The following CACNA1B variants were observed in gnomAD, a reference collection of about 807,000 sequenced individuals.
The protein encoded by CACNA1B is voltage-dependent N-type calcium channel subunit alpha-1B.
CACNA1B carries 70 observed loss-of-function variants against 247.2 expected under a neutral mutation model. That is an observed-to-expected ratio of 0.28 (90% CI 0.23 to 0.35). CACNA1B has a LOEUF of 0.35. Ranked by LOEUF, CACNA1B falls within the 10% of genes least tolerant of loss-of-function variation. The pLI, the probability that CACNA1B is intolerant of heterozygous loss-of-function variation, is 1.00. For missense variants in CACNA1B, 2,367 were observed against 3,197.4 expected, an observed-to-expected ratio of 0.74 and a Z score of 6.26; for synonymous variants, 1,231 against 1,294.4, an observed-to-expected ratio of 0.95 and a Z score of 1.05.
In CACNA1B at chr9:137,881,596, C is replaced by T. The variant is rs2133219196; in HGVS notation, c.391-1148C>T. Reference sequence around the variant, plus strand: ...TTCCTAAGGCAGCAGCCCTGGAGTGCAGGTGTCCGACACCCCCATGCCAAC... The same window carrying T: ...TTCCTAAGGCAGCAGCCCTGGAGTGTAGGTGTCCGACACCCCCATGCCAAC... On this transcript the variant is annotated intron_variant, in intron 2 of 46. Coordinates refer to ENST00000371372, the MANE Select transcript of CACNA1B (RefSeq NM_000718.4). This position sits in a 1 kb window ranked among gnomAD's most constrained non-coding sequence, Gnocchi z 4.3. 6.6e-6 allele frequency among the ~76,000 whole-genome samples: 1 copy of T among 152,312 alleles called. No homozygotes were observed. Among genetic ancestry groups the T allele is most frequent in the South Asian group, 2.1e-4 (1 of 4,832 alleles).
rs73669855 is a variant in CACNA1B, at chr9:138,058,776, G to T, written c.4473+43G>T. The T allele has an allele frequency of 5.5e-3, 8,463 of 1,546,234 alleles. 413 individuals carry two copies. In the African/African-American group the frequency reaches 0.098, roughly 18 times the overall value. Reference sequence around the variant, plus strand: ...CAGAGGGGCAGCTGGCGCTGCTAGGGATTGGGATCTAACCCTGAGGCTGAG... The same window carrying T: ...CAGAGGGGCAGCTGGCGCTGCTAGGTATTGGGATCTAACCCTGAGGCTGAG... On this transcript the variant is annotated intron_variant, in intron 29 of 46. Transcript: ENST00000371372. This position sits in a 1 kb window ranked among gnomAD's most constrained non-coding sequence, Gnocchi z 4.7.
intron 26 of CACNA1B, among the ~76,000 whole-genome samples, chr9:138,056,724 C>T (rs1201313725): frequency 6.6e-6 from 1 of 152,132 alleles, no homozygotes; most frequent in Non-Finnish European, 1.5e-5. Flanking sequence ...CATATCCTTG[C>T]CAACACTTGT....
At chr9:138,016,180 A>C (rs557048424) in intron 18 of CACNA1B, among the ~76,000 whole-genome samples, 2 of 152,296 alleles carry the variant, frequency 1.3e-5, no homozygotes, top group Admixed American at 1.3e-4. Context: ...AGTCTCACAC[A>C]CACAGTGTCA....
intron 15 of CACNA1B, among the ~76,000 whole-genome samples, chr9:138,000,351 GC>G (rs1183385785): frequency 2.0e-5 from 3 of 152,130 alleles, no homozygotes; most frequent in Non-Finnish European, 4.4e-5. Flanking sequence ...GCCCGCCTTG[GC>G]CTCCCAAAGT....
rs1379562630 is a variant in CACNA1B at position 138,023,594 on chromosome 9, A to G, written c.2851A>G (p.Lys951Glu). The G allele has an allele frequency of 1.3e-5, 14 of 1,088,898 alleles. No individual in the cohort carries two copies. Among genetic ancestry groups the G allele is most frequent in the Non-Finnish European group, 1.5e-5 (13 of 895,484 alleles). The allele number at this position is 1,088,898 out of a possible 1,614,324, so 67.5% of individuals were successfully genotyped here. A position where few individuals can be genotyped will look rare whatever the true frequency, so the allele number is the denominator to read the frequency against. The stretch of plus-strand genomic sequence containing the variant: ...TCCGAGCAAGGAGTGCGCCGGCGCC[A>G]AGGGCGAGCGGCGCGCGCGGCACCG... ...QDPSKECAGA[K>E]GERRARHRGG... Residue 951 changes from lysine to glutamate, a missense_variant, in exon 19 of 47, where the codon AAG (lysine) becomes GAG (glutamate). By Grantham distance (56) the Lys-to-Glu change is moderately conservative. This residue lies in a region of CACNA1B where 631 missense variants were observed against 631.1 expected (regional missense o/e 1.00). Transcript: ENST00000371372.
intron 24 of CACNA1B, 22 bp downstream of exon 24, chr9:138,049,337 C>G (rs777582295): frequency 2.1e-6 from 3 of 1,431,552 alleles, no homozygotes; most frequent in Admixed American, 3.3e-5. Context: ...TCGCTCTGCT[C>G]TGGCTAGGGA....
intron 12 of CACNA1B, among the ~76,000 whole-genome samples, chr9:137,982,798 G>A (rs1958308949): frequency 6.6e-6 from 1 of 152,200 alleles, no homozygotes; most frequent in African/African-American, 2.4e-5. Context: ...GCAAGACTGG[G>A]GTGGCAAGCT....
intron 6 of CACNA1B, among the ~76,000 whole-genome samples, chr9:137,926,745 A>G (rs1424243767): frequency 6.6e-6 from 1 of 152,154 alleles, no homozygotes; most frequent in African/African-American, 2.4e-5. Flanking sequence ...AATGTATGTG[A>G]GGTGGTATCT....
chr9:138,000,543 C>G (rs938985650), intron 15 of CACNA1B, among the ~76,000 whole-genome samples: 5 of 152,086 alleles, frequency 3.3e-5, no homozygotes, highest in Non-Finnish European at 5.9e-5. Flanking sequence ...TGCCTGGGGC[C>G]CAGTCATTAT....
At chr9:137,939,595 C>G (rs1313878730) in intron 6 of CACNA1B, among the ~76,000 whole-genome samples, 1 of 151,548 alleles carries the variant, frequency 6.6e-6, no homozygotes, top group Non-Finnish European at 1.5e-5. Context: ...GTCAGGAGAT[C>G]GAGACCATCC....
In CACNA1B at chr9:137,954,118, A is replaced by T. The variant is rs1957913885; in HGVS notation, c.1071-1580A>T. Among the ~76,000 whole-genome samples, 1 of 151,982 alleles carries T rather than the reference A, an allele frequency of 6.6e-6. No homozygotes were observed. The highest frequency in any genetic ancestry group is 1.5e-5 in the Non-Finnish European group (1 of 67,992). On this transcript the variant is annotated intron_variant, in intron 7 of 46. Coordinates refer to ENST00000371372, the MANE Select transcript of CACNA1B (RefSeq NM_000718.4). This position sits in a 1 kb window ranked among gnomAD's most constrained non-coding sequence, Gnocchi z 4.1. ...GCCTCTGGGGAGAATGGGATATGTGATGTTCCTCCCATCAGCGCAGCTGAA... is the reference window on the plus strand; with the variant it reads ...GCCTCTGGGGAGAATGGGATATGTGTTGTTCCTCCCATCAGCGCAGCTGAA...
At chr9:138,101,121 A>C in intron 37 of CACNA1B, 1 of 533,126 alleles carries the variant, frequency 1.9e-6, no homozygotes, top group Non-Finnish European at 3.8e-6. Context: ...ATTCATTATA[A>C]GGATATGTAC....
rs1295766991 is a variant in CACNA1B at position 137,879,060 on chromosome 9, C to T, written c.291C>T (p.Phe97=). The change falls in exon 2 of 47, where the codon TTC becomes TTT. Residue 97 remains phenylalanine (F), a synonymous_variant. Transcript: ENST00000371372. The part of the protein sequence containing the change: ...YAKRITEWPP[F]EYMILATIIA... ...CAGTCCTTAACTCACGCACTCCATT[C>T]GAGTATATGATCCTGGCCACCATCA... 2.5e-6 allele frequency: 4 copies of T among 1,608,740 alleles called. No individual in the cohort carries two copies. The highest frequency in any genetic ancestry group is 1.7e-6 in the Non-Finnish European group (2 of 1,176,346).
At chr9:137,970,816 A>T (rs1187096004) in intron 10 of CACNA1B, among the ~76,000 whole-genome samples, 2 of 152,208 alleles carry the variant, frequency 1.3e-5, no homozygotes, top group African/African-American at 4.8e-5. Context: ...AGGCTGGAGC[A>T]GGTAGACAAA....
chr9:137,990,266 A>C lies in CACNA1B; in HGVS notation c.1974+3412A>C, dbSNP rs1429164119. Among the ~76,000 whole-genome samples, 3 of 152,052 alleles carry C rather than the reference A, an allele frequency of 2.0e-5. No individual in the cohort carries two copies. Among genetic ancestry groups the C allele is most frequent in the African/African-American group, 4.8e-5 (2 of 41,378 alleles). On this transcript the variant is annotated intron_variant, in intron 15 of 46. Coordinates refer to ENST00000371372, the MANE Select transcript of CACNA1B (RefSeq NM_000718.4). The surrounding 1 kb of genome is among the most constrained non-coding windows in gnomAD (Gnocchi z 4.5). Reference sequence around the variant, plus strand: ...GGAACATAACTCCATTGGACTGAGAACCACACACCCATCCCCCACAGCAGC... The same window carrying C: ...GGAACATAACTCCATTGGACTGAGACCCACACACCCATCCCCCACAGCAGC...
chr9:138,101,141 C>T (rs1157495095), intron 37 of CACNA1B: 4 of 533,056 alleles, frequency 7.5e-6, no homozygotes, highest in South Asian at 1.4e-5. Context: ...CAGTTTGTTG[C>T]GTTGTATTGC....
intron 39 of CACNA1B, among the ~76,000 whole-genome samples, chr9:138,108,513 C>T (rs1737890222): frequency 1.3e-5 from 2 of 152,230 alleles, no homozygotes; most frequent in African/African-American, 4.8e-5. Context: ...TATTTTCCAA[C>T]TTATTTTATT....
At position 138,118,661 on chromosome 9, in the gene CACNA1B, G is replaced by A. The variant is rs866508790; in HGVS notation, c.5923G>A (p.Val1975Ile). ...AGTGCTGTATCCACAGGCTGTGGAC[G>A]TTCAGATGCAGAGCATAACCCGGAG... ...VGRSGALAVDVQMQSITRRGP... is the reference protein window; with the variant it reads ...VGRSGALAVDIQMQSITRRGP... Residue 1975 changes from valine to isoleucine, a missense_variant, in exon 44 of 47, where the codon GTT (valine) becomes ATT (isoleucine). Coordinates refer to ENST00000371372, the MANE Select transcript of CACNA1B (RefSeq NM_000718.4). The A allele has an allele frequency of 1.8e-5, 28 of 1,532,964 alleles. No homozygotes were observed. In the East Asian group the frequency reaches 3.5e-4, roughly 19 times the overall value. The allele number at this position is 1,532,964 out of a possible 1,614,324, so 95.0% of individuals were successfully genotyped here.
In CACNA1B at chr9:138,069,739, A is replaced by T. The variant is rs943221212; in HGVS notation, c.4669-19A>T. The T allele has an allele frequency of 5.0e-6, 8 of 1,602,412 alleles. No homozygotes were observed. Among genetic ancestry groups the T allele is most frequent in the Non-Finnish European group, 6.8e-6 (8 of 1,169,518 alleles). On this transcript the variant is annotated intron_variant, in intron 31 of 46. Coordinates refer to ENST00000371372, the MANE Select transcript of CACNA1B (RefSeq NM_000718.4). ...GTAAATAATATGCAAATATCCATCCATGAAAACATCACATGTAGGAAACGG... is the reference window on the plus strand; with the variant it reads ...GTAAATAATATGCAAATATCCATCCTTGAAAACATCACATGTAGGAAACGG...
Sources: gnomAD v4.1 joint callset for allele counts (sites outside exome capture counted in the v4.1 genomes callset) on GRCh38, gnomAD v4.1.1 for gene constraint, gnomAD v4.1.1 regional missense constraint, Gnocchi (gnomAD v3.1) non-coding constraint, MANE v1.5 for transcripts, NCBI Gene and HGNC (gene_info 2026-07-23, HGNC 2026-07-21) for gene names.